Variants in AZU1 observed in about 807,000 individuals in gnomAD.
The protein encoded by AZU1 is azurocidin 1.
A neutral mutation model predicts 17.8 loss-of-function variants in AZU1; 21 were observed. The ratio of observed to expected loss-of-function variants is 1.18; its 90% confidence interval spans 0.84 to 1.70. The LOEUF (loss-of-function observed/expected upper bound fraction) is 1.70, where lower values mean the gene tolerates loss of function less well. AZU1 is among the 40% of genes most tolerant of loss of function. The pLI, the probability that AZU1 is intolerant of heterozygous loss-of-function variation, is 0.00. For missense variants in AZU1, 379 were observed against 362.9 expected (o/e 1.04, Z -0.36); for synonymous variants, 178 against 155.2 (o/e 1.15, Z -1.09).
rs1280140263 is a variant in AZU1 at position 831,743 on chromosome 19, G to A, written c.622G>A (p.Glu208Lys). ...NGDGGTPLVC[E>K]GLAHGVASFS... Reference sequence around the variant, plus strand: ...GGACGGGGGCACCCCCCTCGTCTGCGAGGGCCTGGCCCACGGCGTGGCCTC... The same window carrying A: ...GGACGGGGGCACCCCCCTCGTCTGCAAGGGCCTGGCCCACGGCGTGGCCTC... Residue 208 changes from glutamate to lysine, a missense_variant, in exon 5 of 5, where the codon GAG becomes AAG. Coordinates refer to ENST00000233997, the MANE Select transcript of AZU1 (RefSeq NM_001700.5). 3 of 1,610,980 alleles carry A rather than the reference G, an allele frequency of 1.9e-6. No homozygotes were observed. The highest frequency in any genetic ancestry group is 2.2e-5 in the East Asian group (1 of 44,854).
In AZU1 at chr19:831,748, C is replaced by A. The variant is rs754042671; in HGVS notation, c.627C>A (p.Gly209=). 3 of 1,611,640 alleles carry A rather than the reference C, an allele frequency of 1.9e-6. No individual in the cohort carries two copies. Among genetic ancestry groups the A allele is most frequent in the East Asian group, 2.2e-5 (1 of 44,862 alleles). The stretch of plus-strand genomic sequence containing the variant: ...GGGGCACCCCCCTCGTCTGCGAGGG[C>A]CTGGCCCACGGCGTGGCCTCCTTTT... ...GDGGTPLVCE[G]LAHGVASFSL... Residue 209 remains glycine (G), a synonymous_variant, in exon 5 of 5, where the codon GGC becomes GGA. Coordinates refer to ENST00000233997, the MANE Select transcript of AZU1 (RefSeq NM_001700.5).
intron 2 of AZU1, 87 bp from the exon 3 acceptor site, chr19:829,475 G>T: frequency 6.6e-7 from 1 of 1,506,130 alleles, no homozygotes; most frequent in Non-Finnish European, 9.0e-7. Flanking sequence ...TGCAGGCTGG[G>T]ATCCCCCCTA....
intron 4 of AZU1, 98 bp from the exon 5 acceptor site, chr19:831,618 G>A (rs1322741948): frequency 1.4e-5 from 19 of 1,326,288 alleles, no homozygotes; most frequent in Admixed American, 2.7e-5. Flanking sequence ...GCTGGATCAG[G>A]ACTTGTAGGT....
rs2035294535 is a variant in AZU1 at position 831,933 on chromosome 19, C to CGGCACCTCCGGCGCTCCG, written c.*57_*58insGCACCTCCGGCGCTCCGG. On this transcript the variant is annotated 3_prime_UTR_variant, in exon 5 of 5. Coordinates refer to ENST00000233997, the MANE Select transcript of AZU1 (RefSeq NM_001700.5). ...CCCGCCCTCCACACCTCCGGCGCTC[C>CGGCACCTCCGGCGCTCCG]GCACCCACCTCCCACGGCCCCGCCC... 2 of 1,558,092 alleles carry CGGCACCTCCGGCGCTCCG rather than the reference C, an allele frequency of 1.3e-6. No individual in the cohort carries two copies. The highest frequency in any genetic ancestry group is 2.3e-5 in the South Asian group (2 of 86,072).
Position 829,573 on chromosome 19 carries a change from T to A in AZU1, c.227T>A (p.Val76Asp). ...TCCGCTACTCTCAGGAACCCCGGGGTTAGCACCGTGGTGCTGGGTGCCTAT... is the reference window on the plus strand; with the variant it reads ...TCCGCTACTCTCAGGAACCCCGGGGATAGCACCGTGGTGCTGGGTGCCTAT... ...ASCFQSQNPG[V>D]STVVLGAYDL... is the part of the protein sequence containing the mutation. The change falls in exon 3 of 5, where the codon GTT becomes GAT. Residue 76 changes from valine to aspartate, a missense_variant. By Grantham distance (152) the Val-to-Asp change is radical. Coordinates refer to ENST00000233997, the MANE Select transcript of AZU1 (RefSeq NM_001700.5). 6.2e-7 allele frequency: 1 copy of A among 1,612,908 alleles called. No homozygotes were observed. Among genetic ancestry groups the A allele is most frequent in the East Asian group, 2.2e-5 (1 of 44,848 alleles).
chr19:831,147 G>A (rs866315674), intron 4 of AZU1: 2 of 541,930 alleles, frequency 3.7e-6, no homozygotes, highest in Admixed American at 3.5e-5. Context: ...GCGTGATCTC[G>A]GCGGCTCACT....
chr19:830,626 C>A, intron 3 of AZU1, 82 bp from the exon 4 acceptor site: 1 of 1,204,374 alleles, frequency 8.3e-7, no homozygotes, highest in South Asian at 1.6e-5. Context: ...CAGTTAATGT[C>A]GCTGACACTT....
intron 3 of AZU1, 118 bp downstream of exon 3, chr19:829,824 C>T (rs6510980): frequency 0.25 from 340,740 of 1,368,488 alleles, 43,955 homozygotes; most frequent in East Asian, 0.41. Context: ...AGTGGTGGCG[C>T]GCACCTGTGG....
chr19:831,700 G>C lies in AZU1; in HGVS notation c.595-16G>C, dbSNP rs2035289587. The C allele has an allele frequency of 2.5e-6, 4 of 1,584,792 alleles. 1 individual carries two copies. The highest frequency in any genetic ancestry group is 2.3e-5 in the South Asian group (2 of 87,360). Reference sequence around the variant, plus strand: ...CCAGGCCCTGGGACGCCCTGACACAGCTGCTGCCTGCCCAGGGGGACGGGG... The same window carrying C: ...CCAGGCCCTGGGACGCCCTGACACACCTGCTGCCTGCCCAGGGGGACGGGG... On this transcript the variant is annotated splice_polypyrimidine_tract_variant and intron_variant, in intron 4 of 4. Coordinates refer to ENST00000233997, the MANE Select transcript of AZU1 (RefSeq NM_001700.5).
chr19:829,535 C>G (rs2035259750), intron 2 of AZU1, 27 bp from the exon 3 acceptor site: 1 of 1,609,476 alleles, frequency 6.2e-7, no homozygotes, highest in South Asian at 1.1e-5. Context: ...GGTGTCCTCC[C>G]TCTGCCCTTT....
At position 828,396 on chromosome 19, in the gene AZU1, C is replaced by T; in HGVS notation, c.215+10C>T. On this transcript the variant is annotated intron_variant, in intron 2 of 4. Transcript: ENST00000233997. ...GCTGCTTCCAAAGCCAGTGAGGGGT[C>T]CTGGGGAGGGGGCCTAGGGGGCATT... 6.4e-7 allele frequency: 1 copy of T among 1,563,960 alleles called. No homozygotes were observed. The highest frequency in any genetic ancestry group is 8.7e-7 in the Non-Finnish European group (1 of 1,154,200).
rs778924546 is a variant in AZU1, at chr19:828,362, C to A, written c.191C>A (p.Thr64Asn). The change falls in exon 2 of 5, where the codon ACC becomes AAC. Residue 64 changes from threonine (T) to asparagine (N), a missense_variant. Physicochemically the swap from Thr to Asn is moderately conservative, Grantham distance 65. Coordinates refer to ENST00000233997, the MANE Select transcript of AZU1 (RefSeq NM_001700.5). Reference protein sequence around the residue: ...GALIHARFVMTAASCFQSQNP... With the variant: ...GALIHARFVMNAASCFQSQNP... ...CTGATCCATGCCCGCTTCGTGATGA[C>A]CGCGGCCAGCTGCTTCCAAAGCCAG... The A allele has an allele frequency of 7.3e-5, 117 of 1,594,868 alleles. 1 individual carries two copies. The highest frequency in any genetic ancestry group is 5.9e-4 in the East Asian group (26 of 43,978).
rs998239872 is a variant in AZU1, at chr19:827,894, C to T, written c.48C>T (p.Ser16=). The T allele has an allele frequency of 7.2e-6, 11 of 1,537,160 alleles. No homozygotes were observed. The highest frequency in any genetic ancestry group is 8.7e-6 in the Non-Finnish European group (10 of 1,147,388). Residue 16 remains serine, a synonymous_variant, in exon 1 of 5, where the codon TCC becomes TCT. Transcript: ENST00000233997. The stretch of plus-strand genomic sequence containing the variant: ...CCCTGCTGGCTGGTCTGCTGGCGTC[C>T]TCGAGGGCCGGTGAGTGCCTCTCTG... The part of the protein sequence containing the change: ...VLALLAGLLA[S]SRAGSSPLLD...
intron 3 of AZU1, among the ~76,000 whole-genome samples, 153 bp downstream of exon 3, chr19:829,859 C>A (rs1025104466): frequency 1.3e-5 from 2 of 151,700 alleles, no homozygotes; most frequent in Non-Finnish European, 2.9e-5. Context: ...GAGGCCGAGG[C>A]GGAAGGACGG....
At chr19:829,121 A>G (rs1253759156) in intron 2 of AZU1, among the ~76,000 whole-genome samples, 7 of 47,940 alleles carry the variant, frequency 1.5e-4, no homozygotes, top group African/African-American at 6.7e-4. Context: ...GGTCAGATGG[A>G]GGAGGTGCAG....
chr19:831,051 G>C (rs2035282619), intron 4 of AZU1, 110 bp downstream of exon 4: 3 of 976,674 alleles, frequency 3.1e-6, no homozygotes, highest in South Asian at 1.5e-5. Context: ...CCCCAGGATT[G>C]AGCATTTTCA....
At chr19:830,628 C>T in intron 3 of AZU1, 80 bp from the exon 4 acceptor site, 3 of 1,225,940 alleles carry the variant, frequency 2.4e-6, no homozygotes, top group African/African-American at 3.1e-5. Context: ...GTTAATGTCG[C>T]TGACACTTCT....
At chr19:828,488 A>T in intron 2 of AZU1, 102 bp downstream of exon 2, 5 of 938,818 alleles carry the variant, frequency 5.3e-6, no homozygotes, top group East Asian at 3.5e-5. Context: ...TGAGGAGGGG[A>T]GGGGATTGCA....
rs906250875 is a variant in AZU1, at chr19:830,918, A to T, written c.571A>T (p.Thr191Ser). Residue 191 changes from threonine to serine, a missense_variant, in exon 4 of 5, where the codon ACC becomes TCC. Coordinates refer to ENST00000233997, the MANE Select transcript of AZU1 (RefSeq NM_001700.5). ...RPNNVCTGVL[T>S]RRGGICNGDG... ...CAACAACGTGTGCACCGGTGTGCTC[A>T]CCCGCCGCGGTGGCATCTGCAATGT... The T allele has an allele frequency of 1.2e-6, 2 of 1,602,038 alleles. No individual in the cohort carries two copies. The highest frequency in any genetic ancestry group is 2.7e-5 in the African/African-American group (2 of 74,872).
Sources: allele counts gnomAD v4.1 joint callset (sites outside exome capture counted in the v4.1 genomes callset), GRCh38; gene constraint gnomAD v4.1.1; transcripts MANE v1.5; gene names NCBI Gene and HGNC (gene_info 2026-07-23, HGNC 2026-07-21).